The following FHAD1 variants were observed in gnomAD, a reference collection of about 807,000 sequenced individuals.
The protein encoded by FHAD1 is forkhead-associated domain-containing protein 1.
Under a neutral mutation model 191.3 loss-of-function variants are expected in FHAD1, and 146 were observed. That is an observed-to-expected ratio of 0.76 (90% confidence interval 0.67 to 0.88). The LOEUF (loss-of-function observed/expected upper bound fraction) is 0.88. Among genes scored for constraint, FHAD1 ranks in the 40% least tolerant of loss-of-function variants. FHAD1 has a pLI of 0.00. For missense variants in FHAD1, 1,635 were observed against 1,785.8 expected (o/e 0.92, Z 1.52); for synonymous variants, 616 against 672.3 (o/e 0.92, Z 1.29).
intron 33 of FHAD1, among the ~76,000 whole-genome samples, chr1:15,392,576 G>A (rs915819177): frequency 3.9e-5 from 6 of 152,050 alleles, no homozygotes; most frequent in African/African-American, 1.4e-4. Flanking sequence ...TACATAGCTT[G>A]GGGTCTCCGT....
chr1:15,363,649 G>C (rs1355067440), intron 23 of FHAD1: 1 of 415,234 alleles, frequency 2.4e-6, no homozygotes, highest in Non-Finnish European at 4.8e-6. Flanking sequence ...AGACCACTTG[G>C]TGGGGCGGGG....
At chr1:15,291,915 T>C (rs1306126641) in intron 4 of FHAD1, among the ~76,000 whole-genome samples, 1 of 152,170 alleles carries the variant, frequency 6.6e-6, no homozygotes, top group East Asian at 1.9e-4. Flanking sequence ...GGCTGCCAGC[T>C]TCCTCCAAAA....
chr1:15,375,480 C>A, intron 27 of FHAD1, 123 bp from the exon 28 acceptor site: 1 of 920,916 alleles, frequency 1.1e-6, no homozygotes, highest in Non-Finnish European at 1.6e-6. Context: ...CCTCATCTGC[C>A]ACGGGAGGTC....
rs1329207665 is a variant in FHAD1, at chr1:15,276,653, T to C, written c.300+4124T>C. On this transcript the variant is annotated intron_variant, in intron 3 of 33. Coordinates refer to ENST00000688493, the MANE Select transcript of FHAD1 (RefSeq NM_001391957.1). This position sits in a 1 kb window ranked among gnomAD's most constrained non-coding sequence, Gnocchi z 4.7. ...CCATGTCTACCCAAAACACAAAAAATTAGCCAGGCGTGGTGGCACATACCT... is the reference window on the plus strand; with the variant it reads ...CCATGTCTACCCAAAACACAAAAAACTAGCCAGGCGTGGTGGCACATACCT... Among the ~76,000 whole-genome samples, 1 of 151,950 alleles carries C rather than the reference T, an allele frequency of 6.6e-6. No individual in the cohort carries two copies. Among genetic ancestry groups the C allele is most frequent in the East Asian group, 1.9e-4 (1 of 5,180 alleles).
intron 6 of FHAD1, among the ~76,000 whole-genome samples, chr1:15,303,238 C>T (rs1372031478): frequency 6.6e-6 from 1 of 152,186 alleles, no homozygotes; most frequent in African/African-American, 2.4e-5. Context: ...CTCCTTCAGA[C>T]CTGTTTTTGA....
chr1:15,301,545 C>A, intron 6 of FHAD1, 104 bp downstream of exon 6: 1 of 888,200 alleles, frequency 1.1e-6, no homozygotes, highest in Non-Finnish European at 1.7e-6. Flanking sequence ...AACGCGTGGT[C>A]AGTGGAGCAT....
chr1:15,277,599 G>A (rs1658864329), intron 3 of FHAD1, among the ~76,000 whole-genome samples: 1 of 152,184 alleles, frequency 6.6e-6, no homozygotes, highest in Non-Finnish European at 1.5e-5. Context: ...ACAGCCCAGA[G>A]CACCTCGGTC....
At chr1:15,267,168 A>G (rs565890799) in intron 2 of FHAD1, among the ~76,000 whole-genome samples, 1 of 152,340 alleles carries the variant, frequency 6.6e-6, no homozygotes, top group East Asian at 1.9e-4. Flanking sequence ...AAAGATTTTA[A>G]CCATCATATT....
chr1:15,297,792 T>C (rs1229139371), intron 5 of FHAD1, among the ~76,000 whole-genome samples: 1 of 152,166 alleles, frequency 6.6e-6, no homozygotes, highest in Non-Finnish European at 1.5e-5. Flanking sequence ...ACACCTGGAA[T>C]TAGTTTTTTT....
chr1:15,309,382 G>GATCCCTCTGCCCCTCTGCTC (rs1210701793), intron 7 of FHAD1, among the ~76,000 whole-genome samples: 22 of 152,222 alleles, frequency 1.4e-4, no homozygotes, highest in Admixed American at 6.5e-5. Flanking sequence ...GAGCAGTCAA[G>GATCCCTCTGCCCCTCTGCTC]ATCCCTCTGC....
chr1:15,337,043 G>A (rs1029960867), intron 14 of FHAD1, among the ~76,000 whole-genome samples: 2 of 152,218 alleles, frequency 1.3e-5, no homozygotes, highest in African/African-American at 4.8e-5. Context: ...CCACACGGAC[G>A]CCTCTGCAGG....
chr1:15,359,978 T>G (rs1694205295), intron 21 of FHAD1, among the ~76,000 whole-genome samples: 1 of 151,688 alleles, frequency 6.6e-6, no homozygotes, highest in South Asian at 2.1e-4. Flanking sequence ...CTGAGTGTGT[T>G]GGCGCACACC....
intron 2 of FHAD1, 33 bp from the exon 3 acceptor site, chr1:15,272,290 C>T: frequency 6.5e-7 from 1 of 1,529,398 alleles, no homozygotes; most frequent in Admixed American, 2.0e-5. Flanking sequence ...TTTTTGTTTT[C>T]ATGGCTACGA....
At chr1:15,328,204 C>T in intron 12 of FHAD1, 73 bp from the exon 13 acceptor site, 2 of 1,269,012 alleles carry the variant, frequency 1.6e-6, no homozygotes, top group South Asian at 1.9e-5. Flanking sequence ...TCTCCCATTC[C>T]CCTTCCCTCA....
At chr1:15,392,879 G>A (rs1215139073) in intron 33 of FHAD1, among the ~76,000 whole-genome samples, 1 of 152,010 alleles carries the variant, frequency 6.6e-6, no homozygotes, top group Non-Finnish European at 1.5e-5. Flanking sequence ...TACTTACTGA[G>A]GACCTAGGCT....
chr1:15,240,670 C>CTTT (rs1645247461), intron 1 of FHAD1, among the ~76,000 whole-genome samples: 1 of 148,584 alleles, frequency 6.7e-6, no homozygotes. Context: ...AAAAAGAAAG[C>CTTT]AGATCGGGCC....
chr1:15,361,779 G>A (rs543077910), intron 22 of FHAD1, among the ~76,000 whole-genome samples: 17 of 151,398 alleles, frequency 1.1e-4, no homozygotes, highest in African/African-American at 1.9e-4. Context: ...GGCCGAGGCC[G>A]GCGGATCACT....
At position 15,247,259 on chromosome 1, in the gene FHAD1, C is replaced by T. The variant is rs573154652; in HGVS notation, c.-151C>T. 2.7e-3 allele frequency: 490 copies of T among 181,692 alleles called. No individual in the cohort carries two copies. Among genetic ancestry groups the T allele is most frequent in the African/African-American group, 8.9e-3 (369 of 41,668 alleles). 11.3% of individuals were successfully genotyped at this position (181,692 alleles called of 1,614,324 possible). Reference sequence around the variant, plus strand: ...AACGCGCGTACACAGGCCGGCCGGGCGGGCGGGGTGCCGGGTGCGAGCTGG... The same window carrying T: ...AACGCGCGTACACAGGCCGGCCGGGTGGGCGGGGTGCCGGGTGCGAGCTGG... On this transcript the variant is annotated 5_prime_UTR_variant, in exon 1 of 34. Coordinates refer to ENST00000688493, the MANE Select transcript of FHAD1 (RefSeq NM_001391957.1).
intron 33 of FHAD1, among the ~76,000 whole-genome samples, chr1:15,391,961 G>T (rs1704166981): frequency 6.6e-6 from 1 of 152,204 alleles, no homozygotes; most frequent in Non-Finnish European, 1.5e-5. Context: ...GGCAGACACT[G>T]CCCTGCTGCC....
Sources: gnomAD v4.1 joint callset for allele counts (sites outside exome capture counted in the v4.1 genomes callset) on GRCh38, gnomAD v4.1.1 for gene constraint, Gnocchi (gnomAD v3.1) non-coding constraint, MANE v1.5 for transcripts, NCBI Gene and HGNC (gene_info 2026-07-23, HGNC 2026-07-21) for gene names.